The following RBM47 variants were observed in gnomAD, a reference collection of about 807,000 sequenced individuals.
RBM47 encodes RNA binding motif protein 47, also known as RNA-binding protein 47.
RBM47 carries 21 observed loss-of-function variants against 47.1 expected under a neutral mutation model. The observed-to-expected ratio is 0.45, with a 90% CI of 0.32 to 0.64. The LOEUF (loss-of-function observed/expected upper bound fraction) is 0.64, where lower values mean the gene tolerates loss of function less well. Ranked by LOEUF, RBM47 falls within the 30% of genes least tolerant of loss-of-function variation. The pLI is 0.05. For missense variants in RBM47, 708 were observed against 870.9 expected (o/e 0.81, Z 2.35); for synonymous variants, 375 against 361.7 (o/e 1.04, Z -0.42).
At position 40,424,856 on chromosome 4, in the gene RBM47, T is replaced by G. The variant is rs1156764044; in HGVS notation, c.*1048A>C. 6.6e-6 allele frequency: 1 copy of G among 152,170 alleles called. No individual in the cohort carries two copies. Among genetic ancestry groups the G allele is most frequent in the Non-Finnish European group, 1.5e-5 (1 of 68,026 alleles). The allele number at this position is 152,170 out of a possible 1,614,324, so 9.4% of individuals were successfully genotyped here. On this transcript the variant is annotated 3_prime_UTR_variant, in exon 7 of 7. Coordinates refer to ENST00000295971, the MANE Select transcript of RBM47 (RefSeq NM_001098634.2). ...ATGAATAAAAGCATTAGAAATGGCA[T>G]TAAAGTTTTACATTGGGCAATTAAA...
chr4:40,556,650 G>A (rs1211752321), intron 1 of RBM47, among the ~76,000 whole-genome samples: 1 of 152,158 alleles, frequency 6.6e-6, no homozygotes, highest in Non-Finnish European at 1.5e-5. Flanking sequence ...AGCACTTTGG[G>A]AGACTGAGGC....
chr4:40,464,890 CAAAAAAAAAAAAAAAA>C (rs71646997), intron 3 of RBM47, among the ~76,000 whole-genome samples: 1 of 32,082 alleles, frequency 3.1e-5, no homozygotes, highest in African/African-American at 1.5e-4. Context: ...GACTCTGTCT[CAAAAAAAAAAAAAAAA>C]AAAAAAAAAA....
At chr4:40,608,950 C>T (rs931645350) in intron 1 of RBM47, among the ~76,000 whole-genome samples, 3 of 152,120 alleles carry the variant, frequency 2.0e-5, no homozygotes, top group African/African-American at 7.2e-5. Context: ...CATGTGAGCT[C>T]TCTGCAGTGT....
intron 2 of RBM47, among the ~76,000 whole-genome samples, chr4:40,520,276 T>G (rs143932421): frequency 6.6e-6 from 1 of 152,216 alleles, no homozygotes; most frequent in Admixed American, 6.5e-5. Context: ...TTCTGTGCAA[T>G]AGAAATGTTT....
intron 1 of RBM47, among the ~76,000 whole-genome samples, chr4:40,607,630 C>T (rs1264168762): frequency 6.6e-6 from 1 of 152,112 alleles, no homozygotes; most frequent in African/African-American, 2.4e-5. Context: ...TTGCTTGAGC[C>T]TGGGAGATCG....
At position 40,619,926 on chromosome 4, in the gene RBM47, G is replaced by A. The variant is rs115993839; in HGVS notation, c.-240+9470C>T. Among the ~76,000 whole-genome samples the A allele has an allele frequency of 6.3e-3, 953 of 152,222 alleles. 9 individuals carry two copies. The highest frequency in any genetic ancestry group is 0.021 in the Middle Eastern group (6 of 292). Reference sequence around the variant, plus strand: ...TTAAGTCTGTATCTAGGCCAAACACGGTGTCTCACGCCTGTAATCCCAACA... The same window carrying A: ...TTAAGTCTGTATCTAGGCCAAACACAGTGTCTCACGCCTGTAATCCCAACA... On this transcript the variant is annotated intron_variant, in intron 1 of 6. Transcript: ENST00000295971.
intron 1 of RBM47, among the ~76,000 whole-genome samples, chr4:40,625,095 G>A (rs1041497447): frequency 1.3e-5 from 2 of 151,878 alleles, no homozygotes; most frequent in African/African-American, 2.4e-5. Flanking sequence ...TGATCTACCC[G>A]CCTTGGCCTC....
chr4:40,573,294 T>G (rs1014364977), intron 1 of RBM47, among the ~76,000 whole-genome samples: 4 of 152,006 alleles, frequency 2.6e-5, no homozygotes, highest in Non-Finnish European at 4.4e-5. Context: ...TCCCTGGTAC[T>G]GGGACTGCAG....
intron 2 of RBM47, among the ~76,000 whole-genome samples, chr4:40,501,143 T>C (rs574854922): frequency 9.8e-5 from 15 of 152,320 alleles, no homozygotes; most frequent in African/African-American, 3.4e-4. Flanking sequence ...GCTGCTGGCT[T>C]CATTTATCGT....
chr4:40,520,509 C>G (rs1726094314), intron 2 of RBM47, among the ~76,000 whole-genome samples: 2 of 152,174 alleles, frequency 1.3e-5, no homozygotes, highest in South Asian at 4.1e-4. Flanking sequence ...ATCTTTGAGG[C>G]TAGTATATAT....
At chr4:40,574,155 T>C (rs374584811) in intron 1 of RBM47, among the ~76,000 whole-genome samples, 1 of 152,200 alleles carries the variant, frequency 6.6e-6, no homozygotes, top group Non-Finnish European at 1.5e-5. Flanking sequence ...GCAGTTGTTG[T>C]GGGTTATTAG....
At chr4:40,431,656 T>TC (rs1197501179) in intron 6 of RBM47, among the ~76,000 whole-genome samples, 4 of 58,276 alleles carry the variant, frequency 6.9e-5, no homozygotes, top group Non-Finnish European at 1.5e-4. Flanking sequence ...AGACTCCGTC[T>TC]AAAAAAAAAA....
At chr4:40,467,620 G>A (rs957128460) in intron 2 of RBM47, among the ~76,000 whole-genome samples, 10 of 151,970 alleles carry the variant, frequency 6.6e-5, no homozygotes, top group African/African-American at 1.9e-4. Flanking sequence ...GATGTTCATC[G>A]CATGGAGAGG....
At chr4:40,442,063 T>C (rs990297999) in intron 3 of RBM47, among the ~76,000 whole-genome samples, 4 of 152,238 alleles carry the variant, frequency 2.6e-5, no homozygotes, top group Non-Finnish European at 4.4e-5. Context: ...ATTTGGGTTA[T>C]AGTTTCATTT....
rs137959752 is a variant in RBM47 at position 40,534,040 on chromosome 4, C to T, written c.-155+10382G>A. On this transcript the variant is annotated intron_variant, in intron 2 of 6. Transcript: ENST00000295971. ...GTGTTGGTCAGGCTGGTCTCAAACT[C>T]CCAACCTCAGGTGATCCACATGCCT... Among the ~76,000 whole-genome samples, 878 of 152,004 alleles carry T rather than the reference C, an allele frequency of 5.8e-3. 7 individuals carry two copies. The highest frequency in any genetic ancestry group is 0.012 in the South Asian group (59 of 4,806).
intron 2 of RBM47, among the ~76,000 whole-genome samples, chr4:40,533,462 GAAA>G (rs901483740): frequency 3.3e-5 from 5 of 150,694 alleles, no homozygotes; most frequent in Non-Finnish European, 7.4e-5. Flanking sequence ...AAGAAGAAGG[GAAA>G]AAAAAGCTCT....
At chr4:40,592,979 A>AT (rs869035345) in intron 1 of RBM47, among the ~76,000 whole-genome samples, 5 of 14,202 alleles carry the variant, frequency 3.5e-4, no homozygotes, top group South Asian at 4.1e-3. Flanking sequence ...ATATATATAT[A>AT]TTTTTTTTTT....
intron 2 of RBM47, among the ~76,000 whole-genome samples, chr4:40,526,789 C>CTTTTTTTTTTT (rs540484622): frequency 1.6e-5 from 1 of 61,594 alleles, no homozygotes; most frequent in Non-Finnish European, 2.9e-5. Context: ...CAGTTTGGTT[C>CTTTTTTTTTTT]TTTTTTTTTT....
chr4:40,451,788 T>A lies in RBM47; in HGVS notation c.-31-12864A>T, dbSNP rs187609927. 3.9e-3 allele frequency among the ~76,000 whole-genome samples: 589 copies of A among 152,296 alleles called. 4 individuals are homozygous for A. Among genetic ancestry groups the A allele is most frequent in the Non-Finnish European group, 3.4e-3 (234 of 68,024 alleles). ...ATTCAAACACTAATTGAGCACTGGC[T>A]GCGTATGAGGCTGTGCTAGATGCTT... On this transcript the variant is annotated intron_variant, in intron 3 of 6. Transcript: ENST00000295971.
Sources: allele counts gnomAD v4.1 joint callset (sites outside exome capture counted in the v4.1 genomes callset), GRCh38; gene constraint gnomAD v4.1.1; transcripts MANE v1.5; gene names NCBI Gene and HGNC (gene_info 2026-07-23, HGNC 2026-07-21).